Variants in OSBPL5 observed in about 807,000 individuals in gnomAD.
OSBPL5 encodes oxysterol binding protein like 5.
OSBPL5 carries 71 observed loss-of-function variants against 111.2 expected under a neutral mutation model. The observed-to-expected ratio is 0.64, with a 90% CI of 0.53 to 0.78. The LOEUF (loss-of-function observed/expected upper bound fraction) is 0.78. Ranked by LOEUF, OSBPL5 falls within the 30% of genes least tolerant of loss-of-function variation. OSBPL5 has a pLI of 0.00. For synonymous variants in OSBPL5, 549 were observed against 513.9 expected, an observed-to-expected ratio of 1.07 and a Z score of -0.93; for missense variants, 1,210 against 1,189.3, an observed-to-expected ratio of 1.02 and a Z score of -0.26.
At position 3,089,895 on chromosome 11, in the gene OSBPL5, G is replaced by C; in HGVS notation, c.2452C>G (p.Leu818Val). Reference protein sequence around the residue: ...CRKEARRLQALHEAILSIREA... With the variant: ...CRKEARRLQAVHEAILSIREA... The stretch of plus-strand genomic sequence containing the variant: ...CGGATGGAGAGGATGGCCTCGTGCA[G>C]GGCCTGCAGCCGCCGCGCCTCCTTC... The change falls in exon 21 of 22, where the codon CTG becomes GTG. Residue 818 changes from leucine (L) to valine (V), a missense_variant. Transcript: ENST00000263650. 1 of 1,566,774 alleles carries C rather than the reference G, an allele frequency of 6.4e-7. No individual in the cohort carries two copies. The highest frequency in any genetic ancestry group is 8.6e-7 in the Non-Finnish European group (1 of 1,156,408).
rs1313379011 is a variant in OSBPL5 at position 3,140,910 on chromosome 11, G to T, written c.-21-11741C>A. 1.3e-5 allele frequency among the ~76,000 whole-genome samples: 2 copies of T among 151,978 alleles called. No individual in the cohort carries two copies. The highest frequency in any genetic ancestry group is 1.3e-4 in the Admixed American group (2 of 15,270). On this transcript the variant is annotated intron_variant, in intron 1 of 21. Coordinates refer to ENST00000263650, the MANE Select transcript of OSBPL5 (RefSeq NM_020896.4). This position sits in a 1 kb window ranked among gnomAD's most constrained non-coding sequence, Gnocchi z 4.5. ...GCCCATGGGTGTGACAGCCCAGGGG[G>T]CCCTGGGGCCAGGTGACCACCTCAG... is the stretch of plus-strand genomic sequence containing the variant.
intron 1 of OSBPL5, among the ~76,000 whole-genome samples, chr11:3,155,518 GTCTGCCACTCACTCACCCCAGC>G (rs71035490): frequency 0.27 from 15,868 of 59,138 alleles, 3,286 homozygotes; most frequent in Non-Finnish European, 0.32. Context: ...CTCACCCCAG[GTCTGCCACTCACTCACCCCAGC>G]TCTGCCACTC....
intron 1 of OSBPL5, among the ~76,000 whole-genome samples, chr11:3,133,710 G>A (rs1845873273): frequency 6.6e-6 from 1 of 152,262 alleles, no homozygotes; most frequent in African/African-American, 2.4e-5. Context: ...ATCTCCAGCT[G>A]TGATCTCATC....
intron 6 of OSBPL5, chr11:3,120,038 T>C (rs1041477877): frequency 4.8e-6 from 2 of 413,254 alleles, no homozygotes; most frequent in South Asian, 3.2e-5. Context: ...GAAATCCAAA[T>C]GTAACCAGGT....
intron 1 of OSBPL5, among the ~76,000 whole-genome samples, chr11:3,163,624 G>C (rs1261381473): frequency 6.6e-6 from 1 of 152,226 alleles, no homozygotes; most frequent in Non-Finnish European, 1.5e-5. Context: ...ACCCAGAAAG[G>C]AGCCTCCACT....
intron 7 of OSBPL5, among the ~76,000 whole-genome samples, chr11:3,117,982 A>C (rs1284532932): frequency 6.6e-6 from 1 of 152,128 alleles, no homozygotes; most frequent in African/African-American, 2.4e-5. Flanking sequence ...CCTTCCTCCT[A>C]CTATTTTCTC....
chr11:3,143,212 G>A (rs1227803064), intron 1 of OSBPL5, among the ~76,000 whole-genome samples: 2 of 127,714 alleles, frequency 1.6e-5, no homozygotes, highest in African/African-American at 5.9e-5. Flanking sequence ...GTGCAGAGGG[G>A]GGCAGAGGAG....
chr11:3,111,980 C>T (rs1479561762), intron 7 of OSBPL5, among the ~76,000 whole-genome samples: 17 of 131,132 alleles, frequency 1.3e-4, no homozygotes, highest in South Asian at 2.6e-4. Flanking sequence ...CATATGTGTG[C>T]GCGCATGTGT....
chr11:3,146,514 G>A lies in OSBPL5; in HGVS notation c.-21-17345C>T, dbSNP rs934102643. On this transcript the variant is annotated intron_variant, in intron 1 of 21. Coordinates refer to ENST00000263650, the MANE Select transcript of OSBPL5 (RefSeq NM_020896.4). The surrounding 1 kb of genome is among the most constrained non-coding windows in gnomAD (Gnocchi z 7.8). ...CGTGGTGGTCAGAAGCCCCCTGCCT[G>A]TGGGCACGGCTGTTGGACCCTGTCA... 6.6e-6 allele frequency: 1 copy of A among 152,280 alleles called. No homozygotes were observed. Among genetic ancestry groups the A allele is most frequent in the African/African-American group, 2.4e-5 (1 of 41,442 alleles). 9.4% of individuals were successfully genotyped at this position (152,280 alleles called of 1,614,324 possible).
chr11:3,133,431 G>A (rs138682007), intron 1 of OSBPL5, among the ~76,000 whole-genome samples: 236 of 152,354 alleles, frequency 1.5e-3, no homozygotes, highest in African/African-American at 5.0e-3. Context: ...CACTGCCTGC[G>A]GGGAAGCCCC....
intron 19 of OSBPL5, 56 bp from the exon 20 acceptor site, chr11:3,090,752 C>G: frequency 6.5e-7 from 1 of 1,542,506 alleles, no homozygotes. Context: ...CTGCCCAGGC[C>G]CCAGGGACAT....
chr11:3,090,045 C>T, intron 20 of OSBPL5, 97 bp from the exon 21 acceptor site: 1 of 889,170 alleles, frequency 1.1e-6, no homozygotes, highest in African/African-American at 1.7e-5. Flanking sequence ...GGGTCATATC[C>T]AGCTCGGGCC....
Position 3,141,714 on chromosome 11 carries a change from T to G in OSBPL5, c.-21-12545A>C, listed in dbSNP as rs4758539. Reference sequence around the variant, plus strand: ...CATCCCAGTGCTTTGCCGAGGTGCCTACGCCACCCTTGCATGTGTGTCCTC... The same window carrying G: ...CATCCCAGTGCTTTGCCGAGGTGCCGACGCCACCCTTGCATGTGTGTCCTC... On this transcript the variant is annotated intron_variant, in intron 1 of 21. Transcript: ENST00000263650. This position sits in a 1 kb window ranked among gnomAD's most constrained non-coding sequence, Gnocchi z 6.5. 0.28 allele frequency among the ~76,000 whole-genome samples: 43,123 copies of G among 151,974 alleles called. 7,126 individuals carry two copies. Among genetic ancestry groups the G allele is most frequent in the African/African-American group, 0.47 (19,473 of 41,416 alleles).
chr11:3,104,256 A>C lies in OSBPL5; in HGVS notation c.1181T>G (p.Leu394Arg). 1 of 1,613,730 alleles carries C rather than the reference A, an allele frequency of 6.2e-7. No individual in the cohort carries two copies. ...CTTGTTCAGGAAGGAGCGCGGCTCCAGTACGAACGTGGGTAGCACCACGCG... is the reference window on the plus strand; with the variant it reads ...CTTGTTCAGGAAGGAGCGCGGCTCCCGTACGAACGTGGGTAGCACCACGCG... ...LSRVVLPTFV[L>R]EPRSFLNKLS... The change falls in exon 10 of 22, where the codon CTG becomes CGG. Residue 394 changes from leucine (L) to arginine (R), a missense_variant. Transcript: ENST00000263650. This position sits in a 1 kb window ranked among gnomAD's most constrained non-coding sequence, Gnocchi z 5.0.
Position 3,088,042 on chromosome 11 carries a change from T to A in OSBPL5, c.*163A>T. 1.7e-6 allele frequency: 1 copy of A among 573,746 alleles called. No individual in the cohort carries two copies. Among genetic ancestry groups the A allele is most frequent in the Non-Finnish European group, 2.7e-6 (1 of 364,842 alleles). 35.5% of individuals were successfully genotyped at this position (573,746 alleles called of 1,614,324 possible). ...GCCCCTGAGAGGGGCCCAGCACACC[T>A]GGGCCCGCAGCGCCTTGTGGCCCCG... On this transcript the variant is annotated 3_prime_UTR_variant, in exon 22 of 22. Transcript: ENST00000263650.
intron 1 of OSBPL5, among the ~76,000 whole-genome samples, chr11:3,131,029 G>A (rs2134480631): frequency 6.6e-6 from 1 of 152,242 alleles, no homozygotes; most frequent in South Asian, 2.1e-4. Context: ...GCAGTGTGGT[G>A]ACAGCGATTC....
chr11:3,103,131 T>C, intron 11 of OSBPL5, 108 bp downstream of exon 11: 1 of 941,798 alleles, frequency 1.1e-6, no homozygotes, highest in Non-Finnish European at 1.6e-6. Flanking sequence ...TTCTAAGCCA[T>C]GTGGGGTAGG....
At chr11:3,103,833 A>AGCCCCATTCCT (rs1857583286) in intron 10 of OSBPL5, among the ~76,000 whole-genome samples, 2 of 79,268 alleles carry the variant, frequency 2.5e-5, no homozygotes, top group African/African-American at 4.3e-5. Context: ...GCCCCCTTCC[A>AGCCCCATTCCT]GCCTCTGCAG....
chr11:3,129,336 A>G, intron 1 of OSBPL5, 167 bp from the exon 2 acceptor site: 1 of 560,688 alleles, frequency 1.8e-6, no homozygotes, highest in East Asian at 3.6e-5. Context: ...GTCAGCCAGG[A>G]CAGCCCAGCT....
Sources: allele counts gnomAD v4.1 joint callset (sites outside exome capture counted in the v4.1 genomes callset), GRCh38; gene constraint gnomAD v4.1.1; non-coding constraint Gnocchi (gnomAD v3.1); transcripts MANE v1.5; gene names NCBI Gene and HGNC (gene_info 2026-07-23, HGNC 2026-07-21).